SGCD: variants seen among roughly 807,000 people sequenced by gnomAD.
The protein encoded by SGCD is delta-sarcoglycan.
A neutral mutation model predicts 36.6 loss-of-function variants in SGCD; 18 were observed. That is an observed-to-expected ratio of 0.49 (90% confidence interval 0.34 to 0.73). SGCD has a LOEUF of 0.73. SGCD is among the 30% of genes least tolerant of loss of function. The probability of loss-of-function intolerance (pLI) is 0.01; values close to 1 mark genes in which losing one functional copy is unlikely to be tolerated. For synonymous variants in SGCD, 133 were observed against 130.6 expected (o/e 1.02, Z -0.12); for missense variants, 387 against 346.7 (o/e 1.12, Z -0.92).
intron 3 of SGCD, among the ~76,000 whole-genome samples, chr5:156,382,037 T>C (rs1208976014): frequency 6.6e-6 from 1 of 152,200 alleles, no homozygotes; most frequent in Admixed American, 6.5e-5. Context: ...CCACAAGTTG[T>C]TGAAGTATGT....
At chr5:156,229,978 A>G (rs1175789841) in intron 3 of SGCD, among the ~76,000 whole-genome samples, 2 of 152,096 alleles carry the variant, frequency 1.3e-5, no homozygotes, top group Non-Finnish European at 2.9e-5. Flanking sequence ...TGCATTTTGC[A>G]CTTCTGTAAG....
chr5:156,586,065 T>TC (rs201117599), intron 4 of SGCD, among the ~76,000 whole-genome samples: 3,103 of 113,692 alleles, frequency 0.027, 128 homozygotes, highest in East Asian at 0.19. Flanking sequence ...ACTTTGGTGT[T>TC]TTTTTTTTTT....
intron 3 of SGCD, among the ~76,000 whole-genome samples, chr5:156,292,206 G>A (rs906065987): frequency 2.0e-5 from 3 of 151,994 alleles, no homozygotes; most frequent in Non-Finnish European, 4.4e-5. Context: ...TATTATGAAA[G>A]CATTACTACC....
chr5:156,437,504 G>C (rs993450819), intron 3 of SGCD, among the ~76,000 whole-genome samples: 1 of 152,122 alleles, frequency 6.6e-6, no homozygotes, highest in South Asian at 2.1e-4. Context: ...ATGGCACAAA[G>C]GATGCTAAGG....
chr5:156,602,509 G>A (rs1437969463), intron 6 of SGCD, among the ~76,000 whole-genome samples: 1 of 152,134 alleles, frequency 6.6e-6, no homozygotes, highest in Non-Finnish European at 1.5e-5. Context: ...TACAAGTGGT[G>A]AGAGTGGGCA....
At chr5:155,907,119 T>A (rs1363407380) in intron 1 of SGCD, among the ~76,000 whole-genome samples, 1 of 152,008 alleles carries the variant, frequency 6.6e-6, no homozygotes, top group African/African-American at 2.4e-5. Flanking sequence ...CTGCCTGTGC[T>A]CTAGAAATGG....
chr5:155,965,531 T>C (rs866817970), intron 1 of SGCD, among the ~76,000 whole-genome samples: 1 of 152,094 alleles, frequency 6.6e-6, no homozygotes, highest in Non-Finnish European at 1.5e-5. Flanking sequence ...AGCATTACAC[T>C]GAAGGGTGTA....
chr5:156,569,216 T>C (rs1759619967), intron 4 of SGCD, among the ~76,000 whole-genome samples: 4 of 152,218 alleles, frequency 2.6e-5, no homozygotes, highest in Admixed American at 2.6e-4. Context: ...GACACTTGTA[T>C]GCACTGGGGA....
chr5:156,567,769 C>G (rs1419555801), intron 4 of SGCD, among the ~76,000 whole-genome samples: 1 of 152,112 alleles, frequency 6.6e-6, no homozygotes, highest in Non-Finnish European at 1.5e-5. Context: ...ATGTAGTAGA[C>G]TCCTGCATAT....
rs942789932 is a variant in SGCD at position 155,881,323 on chromosome 5, T to TAAATAAATAAATAAATAAAG, written c.-282+10902_-282+10903insTAAATAAATAAATAAAGAAA. Among the ~76,000 whole-genome samples the TAAATAAATAAATAAATAAAG allele has an allele frequency of 7.3e-4, 111 of 151,512 alleles. 1 individual carries two copies. The highest frequency in any genetic ancestry group is 1.8e-3 in the African/African-American group (74 of 41,106). On this transcript the variant is annotated intron_variant, in intron 1 of 9. Transcript: ENST00000517913. ...ATAAATAAATAAATAAATAAATAAA[T>TAAATAAATAAATAAATAAAG]AAAGAATATAGCAATAAAACAAGTC...
At chr5:156,677,781 G>A (rs1163230403) in intron 7 of SGCD, among the ~76,000 whole-genome samples, 1 of 152,114 alleles carries the variant, frequency 6.6e-6, no homozygotes, top group Non-Finnish European at 1.5e-5. Context: ...TGCAAAAGGA[G>A]TCTGCTCTCA....
intron 7 of SGCD, among the ~76,000 whole-genome samples, chr5:156,724,767 G>T (rs973558272): frequency 4.6e-5 from 7 of 152,062 alleles, no homozygotes; most frequent in African/African-American, 1.7e-4. Flanking sequence ...CCCCAGTTAG[G>T]TCTTCCTGCA....
the SGCD span, among the ~76,000 whole-genome samples, chr5:155,779,091 G>T: frequency 6.6e-6 from 1 of 152,100 alleles, no homozygotes; most frequent in East Asian, 1.9e-4. Context: ...TTTACATTCT[G>T]CATATATATT....
chr5:156,471,533 G>A (rs1754963256), intron 3 of SGCD, among the ~76,000 whole-genome samples: 1 of 152,048 alleles, frequency 6.6e-6, no homozygotes, highest in Non-Finnish European at 1.5e-5. Flanking sequence ...TTTTCTATGA[G>A]AGTGCTAAGG....
At chr5:155,930,060 C>T (rs1757071846) in intron 1 of SGCD, among the ~76,000 whole-genome samples, 1 of 152,150 alleles carries the variant, frequency 6.6e-6, no homozygotes, top group East Asian at 1.9e-4. Flanking sequence ...AATGAGGTCT[C>T]ACTTGTTTTG....
At chr5:156,498,208 G>A (rs959592985) in intron 3 of SGCD, among the ~76,000 whole-genome samples, 7 of 144,454 alleles carry the variant, frequency 4.8e-5, no homozygotes, top group African/African-American at 1.8e-4. Flanking sequence ...GCACGTCATA[G>A]CATGTCTCTT....
intron 1 of SGCD, among the ~76,000 whole-genome samples, chr5:155,873,572 T>C (rs962436791): frequency 6.6e-6 from 1 of 152,142 alleles, no homozygotes; most frequent in Non-Finnish European, 1.5e-5. Flanking sequence ...ACTTAATGGA[T>C]ACAATGCACA....
At chr5:156,059,283 C>A (rs1319535680) in intron 1 of SGCD, among the ~76,000 whole-genome samples, 2 of 145,152 alleles carry the variant, frequency 1.4e-5, no homozygotes, top group East Asian at 1.9e-4. Flanking sequence ...AGACAGTAAC[C>A]AGGAAAGGGA....
At chr5:155,988,326 A>G (rs1160944657) in intron 1 of SGCD, among the ~76,000 whole-genome samples, 1 of 152,116 alleles carries the variant, frequency 6.6e-6, no homozygotes, top group Non-Finnish European at 1.5e-5. Context: ...TTAGAAAAAA[A>G]TACGTTTTCC....
Sources: allele counts gnomAD v4.1 joint callset (sites outside exome capture counted in the v4.1 genomes callset), GRCh38; gene constraint gnomAD v4.1.1; transcripts MANE v1.5; gene names NCBI Gene and HGNC (gene_info 2026-07-23, HGNC 2026-07-21).